Variants in PSD3 observed in about 807,000 individuals in gnomAD.
The protein encoded by PSD3 is pleckstrin and Sec7 domain containing 3, also known as PH and SEC7 domain-containing protein 3.
In PSD3, 49 loss-of-function variants were observed where a neutral mutation model predicts 105.5. The observed-to-expected ratio is 0.46, with a 90% CI of 0.37 to 0.59. The LOEUF is 0.59. Among genes scored for constraint, PSD3 ranks in the 20% least tolerant of loss-of-function variants. The pLI, the probability that PSD3 is intolerant of heterozygous loss-of-function variation, is 0.00. For missense variants in PSD3, 1,561 were observed against 1,263.8 expected, an observed-to-expected ratio of 1.24 and a Z score of -3.57; for synonymous variants, 557 against 457.8, an observed-to-expected ratio of 1.22 and a Z score of -2.77.
intron 9 of PSD3, among the ~76,000 whole-genome samples, chr8:18,716,847 A>G (rs1802630796): frequency 6.6e-6 from 1 of 152,144 alleles, no homozygotes; most frequent in African/African-American, 2.4e-5. Flanking sequence ...AAAAGGTAAT[A>G]TTTCTCAATC....
chr8:18,963,319 T>G (rs1052124008), intron 1 of PSD3, among the ~76,000 whole-genome samples: 1 of 152,186 alleles, frequency 6.6e-6, no homozygotes, highest in Non-Finnish European at 1.5e-5. Flanking sequence ...TATTTCCATT[T>G]ACTAAAAACC....
At chr8:18,580,643 G>A (rs1266181604) in intron 12 of PSD3, among the ~76,000 whole-genome samples, 1 of 152,064 alleles carries the variant, frequency 6.6e-6, no homozygotes, top group African/African-American at 2.4e-5. Context: ...TTCCGAGTAA[G>A]CCAGAGAATA....
At chr8:18,697,949 G>T in intron 9 of PSD3, among the ~76,000 whole-genome samples, 1 of 152,176 alleles carries the variant, frequency 6.6e-6, no homozygotes, top group East Asian at 1.9e-4. Context: ...TCCCCCCAAA[G>T]ATGTCCATGT....
intron 8 of PSD3, among the ~76,000 whole-genome samples, chr8:18,791,157 G>A (rs577446935): frequency 1.8e-4 from 27 of 152,144 alleles, no homozygotes; most frequent in African/African-American, 6.0e-4. Flanking sequence ...ACTATCCAAA[G>A]CAATTTATAG....
intron 14 of PSD3, among the ~76,000 whole-genome samples, chr8:18,565,977 G>A (rs1383353465): frequency 6.6e-6 from 1 of 152,056 alleles, no homozygotes; most frequent in Admixed American, 6.6e-5. Flanking sequence ...AAATGTTAAT[G>A]CTGCTGCGCT....
rs531809990 is a variant in PSD3, at chr8:18,637,043, T to C, written c.2217-4237A>G. 1.6e-4 allele frequency among the ~76,000 whole-genome samples: 25 copies of C among 152,328 alleles called. No homozygotes were observed. In the South Asian group the frequency reaches 5.0e-3, roughly 30 times the overall value. ...TCTCCCACTTGCTTATCTGTACATC[T>C]TCAATAGTGAGAAAACTGGCTTTCA... On this transcript the variant is annotated intron_variant, in intron 10 of 15. Coordinates refer to ENST00000327040, the MANE Select transcript of PSD3 (RefSeq NM_015310.4).
At chr8:18,603,362 T>C (rs1804576508) in intron 11 of PSD3, among the ~76,000 whole-genome samples, 2 of 152,216 alleles carry the variant, frequency 1.3e-5, no homozygotes, top group South Asian at 2.1e-4. Context: ...TTTACTTTTA[T>C]CTTTATTGAT....
At chr8:18,592,981 A>C (rs527439514) in intron 12 of PSD3, among the ~76,000 whole-genome samples, 1 of 152,346 alleles carries the variant, frequency 6.6e-6, no homozygotes, top group African/African-American at 2.4e-5. Context: ...TTCAAGATGG[A>C]TTAAAGACTT....
intron 1 of PSD3, among the ~76,000 whole-genome samples, chr8:19,081,280 C>G (rs1465707083): frequency 2.0e-5 from 3 of 152,240 alleles, no homozygotes; most frequent in Non-Finnish European, 4.4e-5. Flanking sequence ...GGTTAGGTCA[C>G]TAGACCTAAA....
At chr8:18,811,293 C>G in intron 4 of PSD3, among the ~76,000 whole-genome samples, 1 of 152,148 alleles carries the variant, frequency 6.6e-6, no homozygotes, top group East Asian at 1.9e-4. Flanking sequence ...CTTTTATAAG[C>G]TTTACTACTA....
chr8:18,663,440 C>CAA (rs111745641), intron 9 of PSD3, among the ~76,000 whole-genome samples: 76 of 125,890 alleles, frequency 6.0e-4, no homozygotes, highest in African/African-American at 1.6e-3. Context: ...AACCAAAAAG[C>CAA]AAAAAAAAAA....
At chr8:18,821,762 T>C (rs1456964717) in intron 4 of PSD3, among the ~76,000 whole-genome samples, 2 of 135,888 alleles carry the variant, frequency 1.5e-5, no homozygotes, top group Non-Finnish European at 3.1e-5. Context: ...TAAACTTCTA[T>C]ACCCATGGCT....
chr8:18,672,316 C>T (rs1585574194), intron 9 of PSD3, among the ~76,000 whole-genome samples: 1 of 151,554 alleles, frequency 6.6e-6, no homozygotes, highest in East Asian at 1.9e-4. Context: ...TGCTGGGTAA[C>T]AAGCACAATC....
In PSD3 at chr8:18,665,332, G is replaced by C. The variant is rs184702908; in HGVS notation, c.2173-9647C>G. On this transcript the variant is annotated intron_variant, in intron 9 of 15. Coordinates refer to ENST00000327040, the MANE Select transcript of PSD3 (RefSeq NM_015310.4). ...TTCCAACCCTCATGGAATGACTTTG[G>C]GGGGTTTGAGACTTCAGCAGAGGAA... Among the ~76,000 whole-genome samples, 15 of 152,312 alleles carry C rather than the reference G, an allele frequency of 9.8e-5. No individual in the cohort carries two copies. The East Asian group carries it at 2.7e-3, about 27-fold the overall frequency.
In PSD3 at chr8:18,768,567, A is replaced by G. The variant is rs112503065; in HGVS notation, c.2083-3029T>C. On this transcript the variant is annotated intron_variant, in intron 8 of 15. Transcript: ENST00000327040. ...AGCCATAATTGTGCCACTGCATTCC[A>G]GCTCGGGTAACAGAGGAAGACTTTC... 6.2e-3 allele frequency among the ~76,000 whole-genome samples: 947 copies of G among 152,320 alleles called. 11 individuals carry two copies. The highest frequency in any genetic ancestry group is 0.022 in the African/African-American group (912 of 41,570).
At position 18,936,055 on chromosome 8, in the gene PSD3, C is replaced by T. The variant is rs1376012293; in HGVS notation, c.109G>A (p.Glu37Lys). ...AKYEFLFGRS[E>K]GKAPDTSDHG... Reference sequence around the variant, plus strand: ...TTACTAGTATCTGGAGCTTTCCCTTCAGATCTGCCAAATAAAAATTCATAT... The same window carrying T: ...TTACTAGTATCTGGAGCTTTCCCTTTAGATCTGCCAAATAAAAATTCATAT... The change falls in exon 2 of 16, where the codon GAA (glutamate) becomes AAA (lysine). Residue 37 changes from glutamate (E) to lysine (K), a missense_variant. Transcript: ENST00000327040. 3 of 1,612,000 alleles carry T rather than the reference C, an allele frequency of 1.9e-6. No homozygotes were observed. The highest frequency in any genetic ancestry group is 2.2e-5 in the East Asian group (1 of 44,868).
chr8:18,874,365 T>A (rs1817595280), intron 2 of PSD3, among the ~76,000 whole-genome samples: 1 of 151,714 alleles, frequency 6.6e-6, no homozygotes, highest in African/African-American at 2.4e-5. Context: ...CGGGGTTTCA[T>A]CATGTTGGCC....
intron 4 of PSD3, among the ~76,000 whole-genome samples, chr8:18,810,325 C>T (rs527549260): frequency 6.6e-6 from 1 of 152,176 alleles, no homozygotes; most frequent in Non-Finnish European, 1.5e-5. Flanking sequence ...CCTCCACTGT[C>T]TTCCATGCTA....
At chr8:18,555,091 G>C (rs968507328) in intron 15 of PSD3, among the ~76,000 whole-genome samples, 1 of 152,056 alleles carries the variant, frequency 6.6e-6, no homozygotes, top group Non-Finnish European at 1.5e-5. Context: ...GGAAGCTGTA[G>C]GCAGCTGTCA....
Sources: allele counts gnomAD v4.1 joint callset (sites outside exome capture counted in the v4.1 genomes callset), GRCh38; gene constraint gnomAD v4.1.1; transcripts MANE v1.5; gene names NCBI Gene and HGNC (gene_info 2026-07-23, HGNC 2026-07-21).